CACNA2D3: variants seen among roughly 807,000 people sequenced by gnomAD.
CACNA2D3 encodes the protein voltage-dependent calcium channel subunit alpha-2/delta-3.
Under a neutral mutation model 160.6 loss-of-function variants are expected in CACNA2D3, and 60 were observed. The observed-to-expected ratio is 0.37, with a 90% CI of 0.30 to 0.46. The LOEUF is 0.46. CACNA2D3 is among the 20% of genes least tolerant of loss of function. The pLI is 1.00. For synonymous variants in CACNA2D3, 558 were observed against 492.9 expected (o/e 1.13, Z -1.75); for missense variants, 1,205 against 1,365.0 (o/e 0.88, Z 1.85).
intron 13 of CACNA2D3, among the ~76,000 whole-genome samples, chr3:54,798,523 G>A (rs1373684902): frequency 6.6e-6 from 1 of 152,146 alleles, no homozygotes; most frequent in East Asian, 1.9e-4. Context: ...GTGACAGAGC[G>A]AGACTCCATC....
At chr3:54,435,577 C>T (rs1373877292) in intron 4 of CACNA2D3, among the ~76,000 whole-genome samples, 4 of 152,168 alleles carry the variant, frequency 2.6e-5, no homozygotes, top group African/African-American at 7.2e-5. Context: ...TACACTCCCA[C>T]CCAGCCCTTC....
chr3:54,307,677 T>A (rs1703644849), intron 2 of CACNA2D3, among the ~76,000 whole-genome samples: 1 of 152,194 alleles, frequency 6.6e-6, no homozygotes. Flanking sequence ...TTCCTAACTC[T>A]CATTCTGGCT....
At chr3:54,234,207 A>T (rs1438751478) in intron 2 of CACNA2D3, among the ~76,000 whole-genome samples, 11 of 152,246 alleles carry the variant, frequency 7.2e-5, no homozygotes, top group Non-Finnish European at 1.5e-5. Context: ...CACTTCTCAA[A>T]AGAAGACATA....
chr3:54,549,099 A>C (rs968133519), intron 5 of CACNA2D3, among the ~76,000 whole-genome samples: 1 of 152,170 alleles, frequency 6.6e-6, no homozygotes, highest in African/African-American at 2.4e-5. Context: ...TGTCTCTCCA[A>C]TATAAATCTC....
chr3:54,937,542 T>C (rs1701361054), intron 27 of CACNA2D3, among the ~76,000 whole-genome samples: 1 of 152,166 alleles, frequency 6.6e-6, no homozygotes, highest in African/African-American at 2.4e-5. Context: ...CAAACTCGTG[T>C]TGTGCAAGGG....
chr3:54,336,348 C>G (rs1174333065), intron 3 of CACNA2D3, among the ~76,000 whole-genome samples: 3 of 152,110 alleles, frequency 2.0e-5, no homozygotes, highest in Non-Finnish European at 4.4e-5. Context: ...ATTGCTCTTG[C>G]TTGTTTGAGA....
At chr3:54,832,011 T>TCACACACACACACACACACA (rs60020847) in intron 14 of CACNA2D3, among the ~76,000 whole-genome samples, 1 of 118,954 alleles carries the variant, frequency 8.4e-6, no homozygotes, top group African/African-American at 3.3e-5. Flanking sequence ...CTCTTCTCTG[T>TCACACACACACACACACACA]CACACACACA....
chr3:55,059,338 C>T (rs138441573), intron 35 of CACNA2D3, among the ~76,000 whole-genome samples: 2 of 152,228 alleles, frequency 1.3e-5, no homozygotes, highest in East Asian at 3.9e-4. Context: ...CTCTGTTTAC[C>T]AGAGAATCAT....
At chr3:54,483,463 A>G (rs2106904517) in intron 4 of CACNA2D3, among the ~76,000 whole-genome samples, 1 of 152,350 alleles carries the variant, frequency 6.6e-6, no homozygotes, top group African/African-American at 2.4e-5. Flanking sequence ...CTCTTGCCAC[A>G]GAGCAGTTCC....
intron 2 of CACNA2D3, among the ~76,000 whole-genome samples, chr3:54,218,006 T>G (rs1701494508): frequency 6.7e-6 from 1 of 149,438 alleles, no homozygotes; most frequent in Admixed American, 6.6e-5. Context: ...GTGTTAGAGG[T>G]GTATTCGGGA....
chr3:54,490,920 T>C (rs1361623160), intron 4 of CACNA2D3, among the ~76,000 whole-genome samples: 1 of 152,158 alleles, frequency 6.6e-6, no homozygotes, highest in Non-Finnish European at 1.5e-5. Context: ...TTCTCTTCCC[T>C]GTGCTGGATG....
chr3:54,261,056 A>G (rs938338027), intron 2 of CACNA2D3, among the ~76,000 whole-genome samples: 1 of 152,176 alleles, frequency 6.6e-6, no homozygotes, highest in Admixed American at 6.5e-5. Context: ...TATCTTTGAC[A>G]CCTATGTCCT....
intron 4 of CACNA2D3, among the ~76,000 whole-genome samples, chr3:54,434,037 G>A (rs1011913298): frequency 6.6e-6 from 1 of 152,268 alleles, no homozygotes; most frequent in African/African-American, 2.4e-5. Flanking sequence ...CAGCGCTCCG[G>A]TTCTCCCACT....
chr3:54,833,149 G>A (rs1703914405), intron 14 of CACNA2D3, among the ~76,000 whole-genome samples: 1 of 152,294 alleles, frequency 6.6e-6, no homozygotes, highest in East Asian at 1.9e-4. Flanking sequence ...CAGATGTTCA[G>A]TATTATTATT....
rs115264817 is a variant in CACNA2D3, at chr3:54,131,446, C to T, written c.204+7852C>T. ...GTCCTTATGCCACAGGAGATCCCAG[C>T]ATACCCAGCCATTTCCCTTGCTGTG... is the stretch of plus-strand genomic sequence containing the variant. On this transcript the variant is annotated intron_variant, in intron 2 of 37. Coordinates refer to ENST00000474759, the MANE Select transcript of CACNA2D3 (RefSeq NM_018398.3). Among the ~76,000 whole-genome samples the T allele has an allele frequency of 7.9e-3, 1,200 of 152,370 alleles. 19 individuals carry two copies. The highest frequency in any genetic ancestry group is 0.028 in the African/African-American group (1,164 of 41,596).
At chr3:54,404,896 C>G (rs1319374121) in intron 4 of CACNA2D3, among the ~76,000 whole-genome samples, 1 of 151,632 alleles carries the variant, frequency 6.6e-6, no homozygotes, top group African/African-American at 2.4e-5. Flanking sequence ...AGATGAAATA[C>G]TTAAGAATAA....
At chr3:54,827,311 G>A (rs1480842412) in intron 14 of CACNA2D3, among the ~76,000 whole-genome samples, 1 of 152,250 alleles carries the variant, frequency 6.6e-6, no homozygotes, top group Non-Finnish European at 1.5e-5. Flanking sequence ...AACATTCACA[G>A]CAACGTTTGG....
At chr3:54,434,605 C>T (rs963250218) in intron 4 of CACNA2D3, among the ~76,000 whole-genome samples, 21 of 152,304 alleles carry the variant, frequency 1.4e-4, no homozygotes, top group Middle Eastern at 3.4e-3. Flanking sequence ...CCATCTGATG[C>T]GCAGGCAGCT....
At chr3:54,807,144 GC>G (rs1703150148) in intron 13 of CACNA2D3, among the ~76,000 whole-genome samples, 1 of 152,140 alleles carries the variant, frequency 6.6e-6, no homozygotes, top group Admixed American at 6.5e-5. Context: ...ATAGGCATGG[GC>G]AAGGACTTCA....
Sources: gnomAD v4.1 joint callset for allele counts (sites outside exome capture counted in the v4.1 genomes callset) on GRCh38, gnomAD v4.1.1 for gene constraint, MANE v1.5 for transcripts, NCBI Gene and HGNC (gene_info 2026-07-23, HGNC 2026-07-21) for gene names.